The following LRRFIP2 variants were observed in gnomAD, a reference collection of about 807,000 sequenced individuals.
LRRFIP2 encodes LRR binding FLII interacting protein 2, also known as leucine-rich repeat flightless-interacting protein 2.
A neutral mutation model predicts 125.9 loss-of-function variants in LRRFIP2; 109 were observed. The observed-to-expected ratio is 0.87, with a 90% CI of 0.74 to 1.01. The LOEUF is 1.01. Among genes scored for constraint, LRRFIP2 ranks in the 50% least tolerant of loss-of-function variants. The pLI is 0.00. For missense variants in LRRFIP2, 850 were observed against 862.3 expected, an observed-to-expected ratio of 0.99 and a Z score of 0.18; for synonymous variants, 291 against 293.1, an observed-to-expected ratio of 0.99 and a Z score of 0.07.
intron 14 of LRRFIP2, 51 bp downstream of exon 14, chr3:37,105,404 T>C (rs1399013986): frequency 2.8e-6 from 4 of 1,436,744 alleles, no homozygotes; most frequent in East Asian, 4.5e-5. Context: ...TGATCATGCA[T>C]TGCTGTCATT....
chr3:37,143,478 T>C, intron 2 of LRRFIP2: 1 of 239,164 alleles, frequency 4.2e-6, no homozygotes, highest in Non-Finnish European at 9.1e-6. Context: ...TCCATGGGCC[T>C]GCAATCTTCT....
chr3:37,078,152 GT>G (rs1161802977), intron 19 of LRRFIP2, among the ~76,000 whole-genome samples: 1 of 151,980 alleles, frequency 6.6e-6, no homozygotes, highest in Non-Finnish European at 1.5e-5. Context: ...AATTTATCAT[GT>G]TTTTTAATGA....
Position 37,096,792 on chromosome 3 carries a change from A to T in LRRFIP2, c.874-132T>A, listed in dbSNP as rs1576492538. On this transcript the variant is annotated intron_variant, in intron 15 of 27. Coordinates refer to ENST00000336686, the MANE Select transcript of LRRFIP2 (RefSeq NM_006309.4). ...CTAAAAATAAACATATTAAAAATGA[A>T]ATTAAAATTCCAGTTTAACATAAGA... The T allele has an allele frequency of 7.2e-6, 4 of 552,828 alleles. No homozygotes were observed. In the East Asian group the frequency reaches 1.3e-4, roughly 18 times the overall value. 34.2% of individuals were successfully genotyped at this position (552,828 alleles called of 1,614,324 possible). A position where few individuals can be genotyped will look rare whatever the true frequency, so the allele number is the denominator to read the frequency against.
At chr3:37,057,895 G>T (rs2087364211) in intron 25 of LRRFIP2, among the ~76,000 whole-genome samples, 1 of 152,292 alleles carries the variant, frequency 6.6e-6, no homozygotes, top group East Asian at 1.9e-4. Flanking sequence ...ATTTTATTAT[G>T]AGGTCAGAAG....
intron 4 of LRRFIP2, among the ~76,000 whole-genome samples, chr3:37,125,129 G>A (rs542340799): frequency 2.6e-5 from 4 of 152,068 alleles, no homozygotes; most frequent in South Asian, 2.1e-4. Context: ...GTTTTTAAAC[G>A]TTCACCTGAA....
intron 3 of LRRFIP2, 65 bp from the exon 4 acceptor site, chr3:37,127,745 A>T: frequency 8.1e-7 from 1 of 1,238,724 alleles, no homozygotes; most frequent in Non-Finnish European, 1.2e-6. Flanking sequence ...AAAAACCTTA[A>T]ATTAATCATA....
intron 15 of LRRFIP2, among the ~76,000 whole-genome samples, chr3:37,102,467 A>G (rs2094115033): frequency 6.6e-6 from 1 of 150,936 alleles, no homozygotes; most frequent in Non-Finnish European, 1.5e-5. Flanking sequence ...AACAGAGCAA[A>G]TGTGTTTGAT....
chr3:37,095,260 T>G (rs2093661038), intron 16 of LRRFIP2, among the ~76,000 whole-genome samples: 1 of 152,244 alleles, frequency 6.6e-6, no homozygotes, highest in South Asian at 2.1e-4. Flanking sequence ...GTTTTAGAAT[T>G]TTATAACTGA....
chr3:37,153,712 G>C (rs1206881837), intron 1 of LRRFIP2, among the ~76,000 whole-genome samples: 2 of 152,140 alleles, frequency 1.3e-5, no homozygotes, highest in Non-Finnish European at 2.9e-5. Flanking sequence ...AGAATAGACA[G>C]CCCTGAGAAA....
At chr3:37,131,941 T>C (rs1039244851) in intron 2 of LRRFIP2, among the ~76,000 whole-genome samples, 5 of 152,220 alleles carry the variant, frequency 3.3e-5, no homozygotes, top group African/African-American at 9.7e-5. Flanking sequence ...TCTGTGTAAC[T>C]GGTCTTTTAA....
chr3:37,054,714 G>C (rs1167378747), intron 26 of LRRFIP2, among the ~76,000 whole-genome samples, 199 bp from the exon 27 acceptor site: 2 of 152,186 alleles, frequency 1.3e-5, no homozygotes, highest in African/African-American at 2.4e-5. Context: ...TACAGCTGTA[G>C]AGTCATTTTA....
chr3:37,130,183 C>T (rs1443776081), intron 2 of LRRFIP2, among the ~76,000 whole-genome samples: 4 of 152,138 alleles, frequency 2.6e-5, no homozygotes, highest in Non-Finnish European at 2.9e-5. Context: ...TCCATGCATT[C>T]GCCTATTCTG....
intron 9 of LRRFIP2, among the ~76,000 whole-genome samples, chr3:37,110,413 T>A (rs2094507166): frequency 6.6e-6 from 1 of 152,220 alleles, no homozygotes; most frequent in Admixed American, 6.5e-5. Flanking sequence ...GCAGGTTTTT[T>A]AAACAAAATT....
chr3:37,122,265 G>T lies in LRRFIP2; in HGVS notation c.229-574C>A, dbSNP rs997777999. Among the ~76,000 whole-genome samples, 27 of 152,008 alleles carry T rather than the reference G, an allele frequency of 1.8e-4. 1 individual carries two copies. In the Middle Eastern group the frequency reaches 0.01, roughly 57 times the overall value. ...CATGAACTCATCCTTTTTTATGCCT[G>T]CATAGTATTCCATGGTGTGTATGTG... is the stretch of plus-strand genomic sequence containing the variant. On this transcript the variant is annotated intron_variant, in intron 4 of 27. Transcript: ENST00000336686.
intron 2 of LRRFIP2, among the ~76,000 whole-genome samples, chr3:37,142,963 G>A (rs2095751640): frequency 1.3e-5 from 2 of 152,112 alleles, no homozygotes; most frequent in East Asian, 1.9e-4. Flanking sequence ...TTGGGTCATC[G>A]GGGTGGATCC....
Position 37,066,277 on chromosome 3 carries a change from C to G in LRRFIP2, c.1513G>C (p.Asp505His). 7 of 1,614,162 alleles carry G rather than the reference C, an allele frequency of 4.3e-6. No individual in the cohort carries two copies. Among genetic ancestry groups the G allele is most frequent in the Non-Finnish European group, 5.9e-6 (7 of 1,179,988 alleles). Reference sequence around the variant, plus strand: ...TCAGCCAGCTCCTCTCTGAGCATATCTCGCTCATTCCTAAGGCAGGCAATG... The same window carrying G: ...TCAGCCAGCTCCTCTCTGAGCATATGTCGCTCATTCCTAAGGCAGGCAATG... ...EYIACLRNER[D>H]MLREELADLQ... Residue 505 changes from aspartate (D) to histidine (H), a missense_variant, in exon 22 of 28, where the codon GAT becomes CAT. By Grantham distance (81) the Asp-to-His change is moderately conservative (BLOSUM62 -1). Transcript: ENST00000336686.
intron 1 of LRRFIP2, chr3:37,172,715 G>A (rs948753183): frequency 6.6e-6 from 1 of 152,082 alleles, no homozygotes; most frequent in Admixed American, 6.5e-5. Flanking sequence ...CTATGAAGTG[G>A]AATTATCTCT....
chr3:37,166,629 A>T (rs543663768), intron 1 of LRRFIP2, among the ~76,000 whole-genome samples: 12 of 151,814 alleles, frequency 7.9e-5, no homozygotes, highest in Non-Finnish European at 1.5e-4. Context: ...AGGCTGAGGC[A>T]GGAGTATTGC....
intron 2 of LRRFIP2, chr3:37,134,707 C>G: frequency 1.3e-6 from 1 of 761,388 alleles, no homozygotes; most frequent in South Asian, 1.3e-5. Context: ...GCCCATGACC[C>G]TCCAGCACAA....
Sources: allele counts gnomAD v4.1 joint callset (sites outside exome capture counted in the v4.1 genomes callset), GRCh38; gene constraint gnomAD v4.1.1; transcripts MANE v1.5; gene names NCBI Gene and HGNC (gene_info 2026-07-23, HGNC 2026-07-21).